The following RASGRF2 variants were observed in gnomAD, a reference collection of about 807,000 sequenced individuals.
The protein encoded by RASGRF2 is ras-specific guanine nucleotide-releasing factor 2.
In RASGRF2, 76 loss-of-function variants were observed where a neutral mutation model predicts 151.0. The observed-to-expected ratio is 0.50, with a 90% CI of 0.42 to 0.61. RASGRF2 has a LOEUF of 0.61. Among genes scored for constraint, RASGRF2 ranks in the 20% least tolerant of loss-of-function variants. The pLI, the probability that RASGRF2 is intolerant of heterozygous loss-of-function variation, is 0.00. For missense variants in RASGRF2, 1,148 were observed against 1,564.6 expected (o/e 0.73, Z 4.49); for synonymous variants, 504 against 566.5 (o/e 0.89, Z 1.57).
chr5:81,108,834 CTGTGTGTGTGTGTGTGTGTGTGTGTG>C (rs10606038), intron 12 of RASGRF2, among the ~76,000 whole-genome samples, 136 bp from the exon 13 acceptor site: 1 of 139,806 alleles, frequency 7.2e-6, no homozygotes, highest in African/African-American at 2.7e-5. Context: ...TTTACCTACT[CTGTGTGTGTGTGTGTGTGTGTGTGTG>C]TGTGTGTGTG....
At chr5:80,979,417 A>G (rs929529913) in intron 1 of RASGRF2, among the ~76,000 whole-genome samples, 2 of 152,200 alleles carry the variant, frequency 1.3e-5, no homozygotes, top group Non-Finnish European at 2.9e-5. Flanking sequence ...GTTGTTATTA[A>G]TGAGCTCCAT....
In RASGRF2 at chr5:81,206,905, G is replaced by A. The variant is rs1252958093; in HGVS notation, c.2967G>A (p.Met989Ile). 4 of 1,604,206 alleles carry A rather than the reference G, an allele frequency of 2.5e-6. No individual in the cohort carries two copies. The African/African-American group carries it at 5.4e-5, about 21-fold the overall frequency. ...TAAAATTAGAGGATATAATTCAAAT[G>A]GTAAGTCTGACCACATTTTTATCTA... Reference protein sequence around the residue: ...IHLKLEDIIQMTDCMKAECFE... With the variant: ...IHLKLEDIIQITDCMKAECFE... The change falls in exon 20 of 27, where the codon ATG becomes ATA. Residue 989 changes from methionine to isoleucine, a missense_variant and splice_region_variant. Physicochemically the swap from Met to Ile is conservative, Grantham distance 10. Around this residue, in one of 5 missense-constraint regions of RASGRF2, gnomAD observed 646 missense variants for 807.4 expected, o/e 0.80. Transcript: ENST00000265080.
At chr5:81,136,973 C>T (rs897785802) in intron 17 of RASGRF2, among the ~76,000 whole-genome samples, 2 of 151,934 alleles carry the variant, frequency 1.3e-5, no homozygotes, top group Non-Finnish European at 2.9e-5. Context: ...TTCTTAGTTT[C>T]TATTTACCTG....
chr5:80,975,610 C>T (rs1214391537), intron 1 of RASGRF2, among the ~76,000 whole-genome samples: 1 of 152,062 alleles, frequency 6.6e-6, no homozygotes, highest in East Asian at 1.9e-4. Flanking sequence ...GAACATTGTA[C>T]ATTTGAACAA....
chr5:81,196,729 T>C (rs1755274397), intron 18 of RASGRF2, among the ~76,000 whole-genome samples: 1 of 150,880 alleles, frequency 6.6e-6, no homozygotes, highest in Admixed American at 6.6e-5. Context: ...TAACCTGATA[T>C]CCTTCACACT....
In RASGRF2 at chr5:81,003,519, G is replaced by A. The variant is rs1050213308; in HGVS notation, c.289-39358G>A. Among the ~76,000 whole-genome samples, 22 of 152,152 alleles carry A rather than the reference G, an allele frequency of 1.4e-4. No individual in the cohort carries two copies. In the South Asian group the frequency reaches 1.5e-3, roughly 10 times the overall value. On this transcript the variant is annotated intron_variant, in intron 1 of 26. Coordinates refer to ENST00000265080, the MANE Select transcript of RASGRF2 (RefSeq NM_006909.3). ...ATTACAGGCGTGAGCCACTGCGCCC[G>A]GCATGCTAATTTTTGTATTTTTAGT...
In RASGRF2 at chr5:81,114,029, T is replaced by G. The variant is rs1301812306; in HGVS notation, c.2470+109T>G. 2.2e-6 allele frequency: 3 copies of G among 1,348,428 alleles called. No individual in the cohort carries two copies. In the East Asian group the frequency reaches 7.0e-5, roughly 31 times the overall value. The allele number at this position is 1,348,428 out of a possible 1,614,324, so 83.5% of individuals were successfully genotyped here. A position where few individuals can be genotyped will look rare whatever the true frequency, so the allele number is the denominator to read the frequency against. ...CCTTTCTTTACAACTGTAATACTTC[T>G]GCATAGAAAGTAGAATGAGCTCAAT... On this transcript the variant is annotated intron_variant, in intron 15 of 26. Coordinates refer to ENST00000265080, the MANE Select transcript of RASGRF2 (RefSeq NM_006909.3).
intron 1 of RASGRF2, among the ~76,000 whole-genome samples, chr5:80,975,938 A>G (rs537609806): frequency 2.0e-5 from 3 of 147,710 alleles, no homozygotes; most frequent in African/African-American, 7.6e-5. Flanking sequence ...TCCGCCTCCC[A>G]GGTTCAAGCG....
chr5:81,172,884 G>C (rs546534192), intron 17 of RASGRF2, among the ~76,000 whole-genome samples: 37 of 152,052 alleles, frequency 2.4e-4, no homozygotes, highest in Non-Finnish European at 3.4e-4. Flanking sequence ...TATAAAACTA[G>C]CAAAGCCTTA....
intron 26 of RASGRF2, among the ~76,000 whole-genome samples, chr5:81,221,291 A>T (rs1011521347): frequency 6.6e-6 from 1 of 152,116 alleles, no homozygotes; most frequent in Non-Finnish European, 1.5e-5. Flanking sequence ...TTGAGAGCGA[A>T]ATATCTACAT....
chr5:80,992,110 G>C (rs1191011682), intron 1 of RASGRF2, among the ~76,000 whole-genome samples: 2 of 68,650 alleles, frequency 2.9e-5, no homozygotes, highest in Non-Finnish European at 7.5e-5. Flanking sequence ...ACCAGAGAAG[G>C]CCCAGTGCCC....
chr5:81,134,079 C>CGTGCGT (rs1554036798), intron 17 of RASGRF2, among the ~76,000 whole-genome samples: 2 of 143,702 alleles, frequency 1.4e-5, no homozygotes, highest in Admixed American at 6.9e-5. Context: ...TGCTTGTGTG[C>CGTGCGT]GTGTGTGTGT....
intron 12 of RASGRF2, among the ~76,000 whole-genome samples, chr5:81,104,938 T>C (rs138458362): frequency 5.6e-4 from 85 of 152,342 alleles, no homozygotes; most frequent in African/African-American, 1.9e-3. Context: ...TTGTGGACTA[T>C]GGAAGCTGAC....
chr5:81,188,180 C>T (rs1755074483), intron 18 of RASGRF2, among the ~76,000 whole-genome samples: 1 of 152,142 alleles, frequency 6.6e-6, no homozygotes, highest in South Asian at 2.1e-4. Flanking sequence ...GGGTACTTTT[C>T]TGTCACACTC....
intron 18 of RASGRF2, among the ~76,000 whole-genome samples, chr5:81,192,567 C>T (rs767406873): frequency 2.0e-5 from 3 of 152,216 alleles, no homozygotes; most frequent in East Asian, 3.8e-4. Context: ...CGGTGGTGGC[C>T]GGTGAGCAAG....
At chr5:81,112,511 C>A in intron 13 of RASGRF2, 99 bp from the exon 14 acceptor site, 1 of 1,484,176 alleles carries the variant, frequency 6.7e-7, no homozygotes, top group Non-Finnish European at 9.2e-7. Context: ...CAGTGAGAAG[C>A]CCACTCCTGA....
In RASGRF2 at chr5:81,112,854, G is replaced by A; in HGVS notation, c.2083G>A (p.Val695Ile). ...CAAGAGGCCTTTCACCTCCATCCCT[G>A]TCAGGTACACCTATTGCTAGAGGTT... Reference protein sequence around the residue: ...IYKRPFTSIPVRSLELFFATS... With the variant: ...IYKRPFTSIPIRSLELFFATS... Residue 695 changes from valine to isoleucine, a missense_variant, in exon 14 of 27, where the codon GTC (valine) becomes ATC (isoleucine). Around this residue, in one of 5 missense-constraint regions of RASGRF2, gnomAD observed 646 missense variants for 807.4 expected, o/e 0.80. Coordinates refer to ENST00000265080, the MANE Select transcript of RASGRF2 (RefSeq NM_006909.3). 1 of 1,614,190 alleles carries A rather than the reference G, an allele frequency of 6.2e-7. No homozygotes were observed. The highest frequency in any genetic ancestry group is 1.1e-5 in the South Asian group (1 of 91,084).
rs1360822591 is a variant in RASGRF2 at position 80,960,489 on chromosome 5, G to T, written c.-250G>T. On this transcript the variant is annotated 5_prime_UTR_variant, in exon 1 of 27. Transcript: ENST00000265080. The surrounding 1 kb of genome is among the most constrained non-coding windows in gnomAD (Gnocchi z 5.5). ...CACGCGGGCGTTGGGGGCTTGGGGG[G>T]CTCCGGGGGCTCGGCCGGGAGGGTG... Among the ~76,000 whole-genome samples, 1 of 150,836 alleles carries T rather than the reference G, an allele frequency of 6.6e-6. No homozygotes were observed. The highest frequency in any genetic ancestry group is 1.5e-5 in the Non-Finnish European group (1 of 67,608).
At position 80,960,988 on chromosome 5, in the gene RASGRF2, G is replaced by A; in HGVS notation, c.250G>A (p.Ala84Thr). 1 of 1,544,142 alleles carries A rather than the reference G, an allele frequency of 6.5e-7. No individual in the cohort carries two copies. The highest frequency in any genetic ancestry group is 8.8e-7 in the Non-Finnish European group (1 of 1,137,854). Residue 84 changes from alanine (A) to threonine (T), a missense_variant, in exon 1 of 27, where the codon GCC becomes ACC. This residue lies in a region of RASGRF2 where 221 missense variants were observed against 271.3 expected (regional missense o/e 0.81). Coordinates refer to ENST00000265080, the MANE Select transcript of RASGRF2 (RefSeq NM_006909.3). The surrounding 1 kb of genome is among the most constrained non-coding windows in gnomAD (Gnocchi z 5.5). The part of the protein sequence containing the change: ...ERTPAPPRAG[A>T]GQGGVRDALD... Reference sequence around the variant, plus strand: ...AACGCCCGCGCCACCCAGGGCCGGCGCCGGGCAGGGAGGCGTCCGAGACGC... The same window carrying A: ...AACGCCCGCGCCACCCAGGGCCGGCACCGGGCAGGGAGGCGTCCGAGACGC...
Sources: gnomAD v4.1 joint callset for allele counts (sites outside exome capture counted in the v4.1 genomes callset) on GRCh38, gnomAD v4.1.1 for gene constraint, gnomAD v4.1.1 regional missense constraint, Gnocchi (gnomAD v3.1) non-coding constraint, MANE v1.5 for transcripts, NCBI Gene and HGNC (gene_info 2026-07-23, HGNC 2026-07-21) for gene names.